Variants in RHOBTB3 observed in about 807,000 individuals in gnomAD.
RHOBTB3 encodes Rho related BTB domain containing 3.
RHOBTB3 carries 47 observed loss-of-function variants against 67.2 expected under a neutral mutation model. That is an observed-to-expected ratio of 0.70 (90% CI 0.55 to 0.89). The LOEUF (loss-of-function observed/expected upper bound fraction) is 0.89. Among genes scored for constraint, RHOBTB3 ranks in the 40% least tolerant of loss-of-function variants. The pLI, the probability that RHOBTB3 is intolerant of heterozygous loss-of-function variation, is 0.00. For synonymous variants in RHOBTB3, 273 were observed against 274.2 expected, an observed-to-expected ratio of 1.00 and a Z score of 0.04; for missense variants, 631 against 750.0, an observed-to-expected ratio of 0.84 and a Z score of 1.85.
chr5:95,719,080 A>G (rs1472451329), intron 1 of RHOBTB3, among the ~76,000 whole-genome samples: 3 of 152,200 alleles, frequency 2.0e-5, no homozygotes, highest in Non-Finnish European at 2.9e-5. Context: ...TGAGGAGTTC[A>G]TGAAGACATT....
intron 8 of RHOBTB3, 137 bp from the exon 9 acceptor site, chr5:95,780,115 A>T: frequency 1.7e-6 from 1 of 592,412 alleles, no homozygotes; most frequent in Non-Finnish European, 2.9e-6. Flanking sequence ...GATTAATGGT[A>T]GTTATCACTC....
chr5:95,763,094 T>C (rs548931361), intron 6 of RHOBTB3, among the ~76,000 whole-genome samples: 52 of 152,328 alleles, frequency 3.4e-4, no homozygotes, highest in Non-Finnish European at 6.3e-4. Flanking sequence ...TGCATGTTCC[T>C]CTACCTGATG....
At chr5:95,736,820 G>A (rs1206043106) in intron 2 of RHOBTB3, 69 bp from the exon 3 acceptor site, 14 of 1,050,768 alleles carry the variant, frequency 1.3e-5, no homozygotes, top group Non-Finnish European at 1.8e-5. Flanking sequence ...AAAAATTAAT[G>A]TCATAAATTA....
At chr5:95,788,644 A>G in intron 10 of RHOBTB3, 118 bp from the exon 11 acceptor site, 1 of 653,412 alleles carries the variant, frequency 1.5e-6, no homozygotes, top group Non-Finnish European at 2.6e-6. Flanking sequence ...TGCATCAGGT[A>G]AAGGCACATT....
intron 3 of RHOBTB3, among the ~76,000 whole-genome samples, chr5:95,741,756 T>G (rs895372577): frequency 6.6e-6 from 1 of 152,126 alleles, no homozygotes; most frequent in African/African-American, 2.4e-5. Context: ...CCAGGCCCTT[T>G]AGTTTGCATA....
chr5:95,745,427 G>A (rs986655375), intron 3 of RHOBTB3, among the ~76,000 whole-genome samples: 6 of 152,066 alleles, frequency 3.9e-5, no homozygotes, highest in Non-Finnish European at 8.8e-5. Context: ...AATGTGCTTA[G>A]AATGTATTCA....
In RHOBTB3 at chr5:95,776,937, A is replaced by G. The variant is rs1350074826; in HGVS notation, c.1283-3315A>G. ...CCTGCTGAACCCACGTTCGCAGTCA[A>G]TCTTTCCTTTAAAGTGTCCCAGGCC... On this transcript the variant is annotated intron_variant, in intron 8 of 11. Transcript: ENST00000379982. Among the ~76,000 whole-genome samples the G allele has an allele frequency of 3.3e-5, 5 of 152,258 alleles. No individual in the cohort carries two copies. In the East Asian group the frequency reaches 5.8e-4, roughly 18 times the overall value.
rs1425113751 is a variant in RHOBTB3, at chr5:95,755,569, A to G, written c.856A>G (p.Asn286Asp). The change falls in exon 6 of 12, where the codon AAT becomes GAT. Residue 286 changes from asparagine to aspartate, a missense_variant. Transcript: ENST00000379982. The part of the protein sequence containing the change: ...AVSHVFMLLF[N>D]VKSPTDIQDS... ...AAGCCATGTTTTCATGCTGCTTTTCAATGTGAAGAGTCCCACTGACATTCA... is the reference window on the plus strand; with the variant it reads ...AAGCCATGTTTTCATGCTGCTTTTCGATGTGAAGAGTCCCACTGACATTCA... 7.4e-6 allele frequency: 12 copies of G among 1,614,020 alleles called. No individual in the cohort carries two copies. The highest frequency in any genetic ancestry group is 2.7e-5 in the African/African-American group (2 of 74,922).
At position 95,736,893 on chromosome 5, in the gene RHOBTB3, T is replaced by C. The variant is rs1413946864; in HGVS notation, c.233T>C (p.Ile78Thr). 1.3e-6 allele frequency: 2 copies of C among 1,595,968 alleles called. No individual in the cohort carries two copies. Among genetic ancestry groups the C allele is most frequent in the South Asian group, 2.3e-5 (2 of 87,070 alleles). Residue 78 changes from isoleucine (I) to threonine (T), a missense_variant, in exon 3 of 12, where the codon ATA becomes ACA. Coordinates refer to ENST00000379982, the MANE Select transcript of RHOBTB3 (RefSeq NM_014899.4). ...LVVHDCPVWDIFDSDWYTSRN... is the reference protein window; with the variant it reads ...LVVHDCPVWDTFDSDWYTSRN... The stretch of plus-strand genomic sequence containing the variant: ...GCTATTTGCATTTTGGTTTAGGACA[T>C]ATTTGACAGTGATTGGTACACTTCT...
At chr5:95,789,629 G>C (rs1037128636) in intron 11 of RHOBTB3, 1 of 152,098 alleles carries the variant, frequency 6.6e-6, no homozygotes, top group Non-Finnish European at 1.5e-5. Context: ...ATAAATCTCC[G>C]TGGAGATAAC....
intron 10 of RHOBTB3, among the ~76,000 whole-genome samples, chr5:95,787,337 G>A (rs904704975): frequency 3.9e-5 from 6 of 152,004 alleles, no homozygotes; most frequent in South Asian, 2.1e-4. Flanking sequence ...CTGTTAAAAT[G>A]TTATGTGGGA....
chr5:95,775,410 A>ATATATATG (rs1185461275), intron 8 of RHOBTB3, among the ~76,000 whole-genome samples: 1 of 148,512 alleles, frequency 6.7e-6, no homozygotes, highest in Non-Finnish European at 1.5e-5. Context: ...ATATGTGTAT[A>ATATATATG]TATATATATA....
At chr5:95,727,541 A>G (rs1755093897), upstream of RHOBTB3, among the ~76,000 whole-genome samples, 1 of 152,236 alleles carries the variant, frequency 6.6e-6, no homozygotes, top group Non-Finnish European at 1.5e-5. Context: ...CCACTAAAAT[A>G]GGAAAAAAAT....
chr5:95,730,268 AGAAAC>A (rs1350705655), upstream of RHOBTB3, among the ~76,000 whole-genome samples: 2 of 152,232 alleles, frequency 1.3e-5, no homozygotes, highest in African/African-American at 4.8e-5. Flanking sequence ...AGCTGAGAAA[AGAAAC>A]AGTCCAATTT....
intron 3 of RHOBTB3, among the ~76,000 whole-genome samples, chr5:95,742,961 C>G (rs1019838517): frequency 6.6e-6 from 1 of 152,118 alleles, no homozygotes; most frequent in Admixed American, 6.5e-5. Context: ...GTCCCAGCTA[C>G]TCGGGAGGCT....
chr5:95,772,384 C>G (rs1169440694), intron 8 of RHOBTB3, among the ~76,000 whole-genome samples: 2 of 152,168 alleles, frequency 1.3e-5, no homozygotes, highest in Non-Finnish European at 2.9e-5. Context: ...CAGGGCTGAC[C>G]AGTCTCTTAA....
intron 1 of RHOBTB3, among the ~76,000 whole-genome samples, chr5:95,719,485 G>A (rs1374646626): frequency 6.6e-6 from 1 of 152,162 alleles, no homozygotes; most frequent in Non-Finnish European, 1.5e-5. Context: ...AGGTTAAACT[G>A]GCTCTAAAAT....
Position 95,755,558 on chromosome 5 carries a change from T to TG in RHOBTB3, c.846dup (p.Leu283AlafsTer10). ...CTCTGCGCTGTAAGCCATGTTTTCA[T>TG]GCTGCTTTTCAATGTGAAGAGTCCC... is the stretch of plus-strand genomic sequence containing the variant. On this transcript the variant is annotated frameshift_variant, in exon 6 of 12. Coordinates refer to ENST00000379982, the MANE Select transcript of RHOBTB3 (RefSeq NM_014899.4). LOFTEE classifies it high-confidence loss of function. The TG allele has an allele frequency of 2.1e-5, 34 of 1,614,164 alleles. No homozygotes were observed. Among genetic ancestry groups the TG allele is most frequent in the Non-Finnish European group, 2.8e-5 (33 of 1,180,006 alleles).
At chr5:95,784,241 C>T (rs998948161) in intron 10 of RHOBTB3, among the ~76,000 whole-genome samples, 2 of 152,070 alleles carry the variant, frequency 1.3e-5, no homozygotes, top group East Asian at 3.8e-4. Context: ...GAATGTGGTG[C>T]TATACTATGT....
Sources: gnomAD v4.1 joint callset for allele counts (sites outside exome capture counted in the v4.1 genomes callset) on GRCh38, gnomAD v4.1.1 for gene constraint, MANE v1.5 for transcripts, NCBI Gene and HGNC (gene_info 2026-07-23, HGNC 2026-07-21) for gene names.